Variants in SLC24A2 observed in about 807,000 individuals in gnomAD.
The protein encoded by SLC24A2 is solute carrier family 24 member 2, also known as sodium/potassium/calcium exchanger 2.
Under a neutral mutation model 62.0 loss-of-function variants are expected in SLC24A2, and 36 were observed. The ratio of observed to expected loss-of-function variants is 0.58; its 90% CI spans 0.44 to 0.77. The LOEUF (loss-of-function observed/expected upper bound fraction) is 0.77. Ranked by LOEUF, SLC24A2 falls within the 30% of genes least tolerant of loss-of-function variation. The pLI is 0.00. For missense variants in SLC24A2, 846 were observed against 817.9 expected (o/e 1.03, Z -0.42); for synonymous variants, 358 against 294.0 (o/e 1.22, Z -2.23).
the SLC24A2 span, among the ~76,000 whole-genome samples, chr9:19,865,188 A>C: frequency 6.6e-6 from 1 of 152,138 alleles, no homozygotes. Context: ...TGAAGAGGAC[A>C]CCAGAAAATG....
chr9:20,106,927 C>A, the SLC24A2 span, among the ~76,000 whole-genome samples: 1 of 152,206 alleles, frequency 6.6e-6, no homozygotes, highest in Admixed American at 6.5e-5. Flanking sequence ...TTGCAGACGA[C>A]ATGATTGTGT....
intron 8 of SLC24A2, among the ~76,000 whole-genome samples, chr9:19,548,165 T>C (rs1201357039): frequency 6.6e-6 from 1 of 151,624 alleles, no homozygotes; most frequent in Admixed American, 6.5e-5. Flanking sequence ...GGATGGGGTT[T>C]TTCTTCTGTC....
At chr9:19,949,348 G>T in the SLC24A2 span, among the ~76,000 whole-genome samples, 1 of 152,116 alleles carries the variant, frequency 6.6e-6, no homozygotes, top group Non-Finnish European at 1.5e-5. Context: ...GGATGACAGT[G>T]GTGCAACGAT....
chr9:19,990,021 G>T, the SLC24A2 span, among the ~76,000 whole-genome samples: 1 of 152,146 alleles, frequency 6.6e-6, no homozygotes, highest in Non-Finnish European at 1.5e-5. Flanking sequence ...TGAGACTGGT[G>T]AGCTAGGGCT....
chr9:20,278,094 G>C, the SLC24A2 span, among the ~76,000 whole-genome samples: 1 of 152,166 alleles, frequency 6.6e-6, no homozygotes, highest in African/African-American at 2.4e-5. Flanking sequence ...CGTGGGGTTG[G>C]GGGAGGGGGA....
At chr9:20,243,081 T>C in the SLC24A2 span, among the ~76,000 whole-genome samples, 3 of 152,226 alleles carry the variant, frequency 2.0e-5, no homozygotes, top group African/African-American at 4.8e-5. Flanking sequence ...CCGTGGTTTC[T>C]TACAGACCTC....
intron 2 of SLC24A2, among the ~76,000 whole-genome samples, chr9:19,709,791 C>T (rs958551311): frequency 4.7e-5 from 7 of 150,288 alleles, no homozygotes; most frequent in East Asian, 4.0e-4. Flanking sequence ...AGGAGATATA[C>T]CTAATGCTAA....
At chr9:20,099,986 T>C in the SLC24A2 span, among the ~76,000 whole-genome samples, 1 of 152,122 alleles carries the variant, frequency 6.6e-6, no homozygotes, top group East Asian at 1.9e-4. Context: ...CTCTCTCTTA[T>C]TATGAGGCTT....
chr9:19,794,648 G>A, the SLC24A2 span, among the ~76,000 whole-genome samples: 1 of 151,030 alleles, frequency 6.6e-6, no homozygotes, highest in East Asian at 1.9e-4. Context: ...AGTGGGGTCT[G>A]TCCATTTCAT....
chr9:20,102,390 G>A, the SLC24A2 span, among the ~76,000 whole-genome samples: 1 of 146,264 alleles, frequency 6.8e-6, no homozygotes, highest in African/African-American at 2.5e-5. Context: ...ATTAACACAG[G>A]AACAAAAAAC....
chr9:19,886,378 G>T, the SLC24A2 span, among the ~76,000 whole-genome samples: 2 of 151,854 alleles, frequency 1.3e-5, no homozygotes, highest in Non-Finnish European at 2.9e-5. Context: ...ATTGGCTGTG[G>T]GTATGTCTTC....
At chr9:19,989,025 T>C in the SLC24A2 span, among the ~76,000 whole-genome samples, 1 of 152,196 alleles carries the variant, frequency 6.6e-6, no homozygotes, top group East Asian at 1.9e-4. Context: ...ATGTCCTACT[T>C]ACAAATTCTG....
chr9:19,874,073 TTC>T, the SLC24A2 span, among the ~76,000 whole-genome samples: 6 of 127,442 alleles, frequency 4.7e-5, no homozygotes, highest in East Asian at 1.0e-3. Flanking sequence ...TTCTTTTCTT[TTC>T]TTTTTTTTTT....
At chr9:19,701,232 G>A (rs1369798047) in intron 2 of SLC24A2, among the ~76,000 whole-genome samples, 1 of 152,232 alleles carries the variant, frequency 6.6e-6, no homozygotes, top group Non-Finnish European at 1.5e-5. Flanking sequence ...TGTGAAGACA[G>A]ATTAAAAAGG....
the SLC24A2 span, among the ~76,000 whole-genome samples, chr9:20,264,319 A>C: frequency 2.6e-5 from 4 of 152,240 alleles, no homozygotes; most frequent in East Asian, 1.9e-4. Flanking sequence ...ACTTGGAACA[A>C]AGTAATCCCC....
At chr9:19,975,943 T>C in the SLC24A2 span, among the ~76,000 whole-genome samples, 1 of 152,164 alleles carries the variant, frequency 6.6e-6, no homozygotes, top group Non-Finnish European at 1.5e-5. Context: ...TCTTGTTCTA[T>C]CACCCAAATT....
At chr9:20,146,862 T>C in the SLC24A2 span, among the ~76,000 whole-genome samples, 1 of 152,070 alleles carries the variant, frequency 6.6e-6, no homozygotes, top group Admixed American at 6.6e-5. Context: ...AATTTCTCAA[T>C]GTTCTTCTCT....
chr9:19,905,892 C>A, the SLC24A2 span, among the ~76,000 whole-genome samples: 1 of 152,074 alleles, frequency 6.6e-6, no homozygotes, highest in East Asian at 1.9e-4. Flanking sequence ...AATTTAACAT[C>A]CCACTGTCAA....
chr9:19,654,013 C>T (rs1818872544), intron 2 of SLC24A2, among the ~76,000 whole-genome samples: 1 of 152,086 alleles, frequency 6.6e-6, no homozygotes, highest in African/African-American at 2.4e-5. Flanking sequence ...GTCGTGTAAC[C>T]ACCACCACCG....
Sources: allele counts gnomAD v4.1 joint callset (sites outside exome capture counted in the v4.1 genomes callset), GRCh38; gene constraint gnomAD v4.1.1; transcripts MANE v1.5; gene names NCBI Gene and HGNC (gene_info 2026-07-23, HGNC 2026-07-21).